CMIP: variants seen among roughly 807,000 people sequenced by gnomAD.
CMIP encodes the protein c-Maf inducing protein.
Under a neutral mutation model 97.3 loss-of-function variants are expected in CMIP, and 13 were observed. The ratio of observed to expected loss-of-function variants is 0.13; its 90% confidence interval spans 0.09 to 0.21. The LOEUF (loss-of-function observed/expected upper bound fraction) is 0.21. Among genes scored for constraint, CMIP ranks in the 10% least tolerant of loss-of-function variants. The pLI, the probability that CMIP is intolerant of heterozygous loss-of-function variation, is 1.00. For synonymous variants in CMIP, 538 were observed against 436.3 expected (o/e 1.23, Z -2.91); for missense variants, 847 against 1,024.9 (o/e 0.83, Z 2.37).
At chr16:81,585,005 T>C (rs2150910085) in intron 1 of CMIP, among the ~76,000 whole-genome samples, 1 of 152,362 alleles carries the variant, frequency 6.6e-6, no homozygotes, top group African/African-American at 2.4e-5. Context: ...TGGAACTTCT[T>C]TTTCATTGAG....
At chr16:81,542,104 AAC>A (rs1041621906) in intron 1 of CMIP, among the ~76,000 whole-genome samples, 9 of 152,024 alleles carry the variant, frequency 5.9e-5, no homozygotes, top group African/African-American at 2.2e-4. Context: ...TTCACTCTTA[AAC>A]ACAGCCCAGG....
chr16:81,679,701 C>A (rs986605876), intron 10 of CMIP, among the ~76,000 whole-genome samples: 1 of 151,980 alleles, frequency 6.6e-6, no homozygotes, highest in South Asian at 2.1e-4. Context: ...GTGCCTGTCC[C>A]TCCCCGTCCC....
intron 10 of CMIP, among the ~76,000 whole-genome samples, chr16:81,679,229 A>G (rs1335178441): frequency 1.3e-5 from 2 of 151,700 alleles, no homozygotes; most frequent in African/African-American, 4.9e-5. Flanking sequence ...GGGTGTGGGC[A>G]TGCCTGTGGA....
intron 1 of CMIP, among the ~76,000 whole-genome samples, chr16:81,503,635 G>C (rs993442800): frequency 6.6e-6 from 1 of 152,196 alleles, no homozygotes; most frequent in Non-Finnish European, 1.5e-5. Context: ...GAGCTCAAGC[G>C]ATCCTCCTGC....
chr16:81,579,419 G>A (rs542525685), intron 1 of CMIP, among the ~76,000 whole-genome samples: 119 of 152,266 alleles, frequency 7.8e-4, no homozygotes, highest in Non-Finnish European at 1.5e-3. Flanking sequence ...TCCAGACCTC[G>A]GAAGCCAGTT....
At chr16:81,596,748 C>A (rs1399267781) in intron 1 of CMIP, among the ~76,000 whole-genome samples, 1 of 152,088 alleles carries the variant, frequency 6.6e-6, no homozygotes, top group Non-Finnish European at 1.5e-5. Context: ...AGGATTTTCC[C>A]AATAGAGTAG....
chr16:81,447,018 G>T (rs1171064764), intron 1 of CMIP, among the ~76,000 whole-genome samples: 2 of 152,148 alleles, frequency 1.3e-5, no homozygotes, highest in South Asian at 2.1e-4. Flanking sequence ...CCCAGTCCCC[G>T]GTCAGGCTGG....
chr16:81,507,171 G>C (rs1315552197), intron 1 of CMIP, among the ~76,000 whole-genome samples: 1 of 151,190 alleles, frequency 6.6e-6, no homozygotes, highest in Non-Finnish European at 1.5e-5. Context: ...CAGGAGAATG[G>C]CGTGAACCCA....
At chr16:81,460,963 A>G in intron 1 of CMIP, among the ~76,000 whole-genome samples, 1 of 152,152 alleles carries the variant, frequency 6.6e-6, no homozygotes, top group East Asian at 1.9e-4. Context: ...TTCAATGATG[A>G]AGGAAACTGA....
chr16:81,447,514 G>A (rs1022970234), intron 1 of CMIP, among the ~76,000 whole-genome samples: 7 of 152,260 alleles, frequency 4.6e-5, no homozygotes, highest in South Asian at 2.1e-4. Flanking sequence ...GAGGCCCCTC[G>A]CTCACCTTGG....
At chr16:81,528,916 C>T (rs943382102) in intron 1 of CMIP, among the ~76,000 whole-genome samples, 2 of 152,078 alleles carry the variant, frequency 1.3e-5, no homozygotes, top group South Asian at 4.2e-4. Flanking sequence ...TTCTCCTCTC[C>T]TTCAGTTTGT....
In CMIP at chr16:81,525,525, AT is replaced by A. The variant is rs139196959; in HGVS notation, c.300+79992del. 5.3e-4 allele frequency among the ~76,000 whole-genome samples: 80 copies of A among 152,018 alleles called. 1 individual carries two copies. In the East Asian group the frequency reaches 7.3e-3, roughly 14 times the overall value. On this transcript the variant is annotated intron_variant, in intron 1 of 20. Coordinates refer to ENST00000537098, the MANE Select transcript of CMIP (RefSeq NM_198390.3). ...TTTACCATTTTAAATCTTAAAAAAC[AT>A]TTTTTTTAAGAGACAGAGTATGGCT...
chr16:81,624,438 T>C (rs1567616932), intron 3 of CMIP, among the ~76,000 whole-genome samples: 1 of 150,604 alleles, frequency 6.6e-6, no homozygotes, highest in Non-Finnish European at 1.5e-5. Flanking sequence ...CGTTCTCCTG[T>C]ATGTAAAGAA....
chr16:81,478,916 G>A (rs1337581956), intron 1 of CMIP, among the ~76,000 whole-genome samples: 1 of 152,100 alleles, frequency 6.6e-6, no homozygotes. Flanking sequence ...GCCCAGCCTC[G>A]TCTTGTTCAT....
At chr16:81,618,160 C>T (rs1025932368) in intron 2 of CMIP, among the ~76,000 whole-genome samples, 1 of 152,128 alleles carries the variant, frequency 6.6e-6, no homozygotes, top group Non-Finnish European at 1.5e-5. Context: ...CAGATTTAGT[C>T]TCTTATGGTT....
intron 1 of CMIP, among the ~76,000 whole-genome samples, chr16:81,532,782 C>A (rs1208678042): frequency 6.6e-6 from 1 of 152,162 alleles, no homozygotes; most frequent in African/African-American, 2.4e-5. Flanking sequence ...CTCCAGTGTG[C>A]CATGCTTGGC....
intron 1 of CMIP, among the ~76,000 whole-genome samples, chr16:81,564,319 C>T (rs1044289663): frequency 3.3e-5 from 5 of 152,120 alleles, no homozygotes; most frequent in African/African-American, 7.2e-5. Flanking sequence ...GAGGAGTCTC[C>T]GATGTCTAAA....
At chr16:81,638,605 C>G (rs374014123) in intron 3 of CMIP, among the ~76,000 whole-genome samples, 16 of 152,214 alleles carry the variant, frequency 1.1e-4, no homozygotes, top group African/African-American at 3.6e-4. Flanking sequence ...TTCCTCTCCC[C>G]CCTCTCCCTT....
chr16:81,584,515 A>G (rs917711825), intron 1 of CMIP, among the ~76,000 whole-genome samples: 12 of 152,178 alleles, frequency 7.9e-5, no homozygotes, highest in Admixed American at 7.9e-4. Context: ...TTTTGTCAGA[A>G]TGACCCTGTT....
Sources: allele counts gnomAD v4.1 joint callset (sites outside exome capture counted in the v4.1 genomes callset), GRCh38; gene constraint gnomAD v4.1.1; transcripts MANE v1.5; gene names NCBI Gene and HGNC (gene_info 2026-07-23, HGNC 2026-07-21).